Variants in NDRG4 observed in about 807,000 individuals in gnomAD.
NDRG4 encodes protein NDRG4.
Under a neutral mutation model 55.8 loss-of-function variants are expected in NDRG4, and 38 were observed. The ratio of observed to expected loss-of-function variants is 0.68; its 90% CI spans 0.53 to 0.89. The LOEUF (loss-of-function observed/expected upper bound fraction) is 0.89. NDRG4 is among the 40% of genes least tolerant of loss of function. NDRG4 has a pLI of 0.00. For missense variants in NDRG4, 455 were observed against 468.6 expected (o/e 0.97, Z 0.27); for synonymous variants, 190 against 182.7 (o/e 1.04, Z -0.32).
At chr16:58,502,447 G>A (rs2037294669) in intron 1 of NDRG4, among the ~76,000 whole-genome samples, 1 of 152,218 alleles carries the variant, frequency 6.6e-6, no homozygotes, top group Non-Finnish European at 1.5e-5. Flanking sequence ...AAGTCAAAGA[G>A]TGTTCTCCAG....
chr16:58,492,787 G>A (rs1241942383), intron 2 of NDRG4, among the ~76,000 whole-genome samples: 1 of 152,094 alleles, frequency 6.6e-6, no homozygotes, highest in Non-Finnish European at 1.5e-5. Flanking sequence ...AAGGTCCCGA[G>A]TATAGACATC....
At position 58,507,882 on chromosome 16, in the gene NDRG4, CTCTGGCCT is replaced by C. The variant is rs770090334; in HGVS notation, c.677+19_677+26del. 1 of 1,614,046 alleles carries C rather than the reference CTCTGGCCT, an allele frequency of 6.2e-7. No homozygotes were observed. Among genetic ancestry groups the C allele is most frequent in the Non-Finnish European group, 8.5e-7 (1 of 1,179,974 alleles). On this transcript the variant is annotated intron_variant, in intron 9 of 14. Coordinates refer to ENST00000570248, the MANE Select transcript of NDRG4 (RefSeq NM_001242835.2). ...ACGCTCCGGTGAGTGGCCCCTGGCCCTCTGGCCTGCCCTGGCCTTTGCCCCCATGACCC... is the reference window on the plus strand; with the variant it reads ...ACGCTCCGGTGAGTGGCCCCTGGCCCGCCCTGGCCTTTGCCCCCATGACCC...
At position 58,464,536 on chromosome 16, in the gene NDRG4, G is replaced by A; in HGVS notation, c.-24+739G>A. On this transcript the variant is annotated intron_variant, in intron 1 of 15. Coordinates refer to the NDRG4 transcript ENST00000258187. The surrounding 1 kb of genome is among the most constrained non-coding windows in gnomAD (Gnocchi z 4.8). ...GGAGCGGACTCCGGGCGCGGCGGCCGGGGACTGGGGCGGCTCGGGTCTGAG... is the reference window on the plus strand; with the variant it reads ...GGAGCGGACTCCGGGCGCGGCGGCCAGGGACTGGGGCGGCTCGGGTCTGAG... The A allele has an allele frequency of 2.4e-6, 3 of 1,257,012 alleles. No individual in the cohort carries two copies. Among genetic ancestry groups the A allele is most frequent in the South Asian group, 2.5e-5 (1 of 40,550 alleles). 77.9% of individuals were successfully genotyped at this position (1,257,012 alleles called of 1,614,324 possible). A position where few individuals can be genotyped will look rare whatever the true frequency, so the allele number is the denominator to read the frequency against.
At chr16:58,471,186 C>CTTTTTTTTT (rs528375397) in intron 1 of NDRG4, among the ~76,000 whole-genome samples, 1 of 67,068 alleles carries the variant, frequency 1.5e-5, no homozygotes, top group African/African-American at 5.7e-5. Context: ...ATGTGTGTTG[C>CTTTTTTTTT]TTTTTTTTTT....
At chr16:58,509,935 C>A (rs1179528479) in intron 13 of NDRG4, among the ~76,000 whole-genome samples, 2 of 147,684 alleles carry the variant, frequency 1.4e-5, no homozygotes, top group East Asian at 2.0e-4. Flanking sequence ...GGTACACACA[C>A]ACAGACACAC....
At chr16:58,504,078 T>G (rs950618490) in intron 2 of NDRG4, 76 bp from the exon 3 acceptor site, 3 of 1,602,168 alleles carry the variant, frequency 1.9e-6, no homozygotes, top group Non-Finnish European at 2.6e-6. Context: ...CTGCCTTGCC[T>G]GCCCTCTGGG....
chr16:58,492,368 A>G lies in NDRG4; in HGVS notation c.73-2596A>G, dbSNP rs572747544. Among the ~76,000 whole-genome samples, 263 of 152,094 alleles carry G rather than the reference A, an allele frequency of 1.7e-3. 1 individual carries two copies. Among genetic ancestry groups the G allele is most frequent in the African/African-American group, 6.2e-3 (259 of 41,488 alleles). On this transcript the variant is annotated intron_variant, in intron 2 of 15. Transcript: ENST00000258187. ...CCCACGGGACTTCAGGGGCCTCTGC[A>G]TGGGCTTCTATTCTTCCTGCATTTT...
intron 1 of NDRG4, among the ~76,000 whole-genome samples, chr16:58,467,992 C>CTGTG (rs1349728021): frequency 1.3e-5 from 2 of 152,180 alleles, no homozygotes; most frequent in African/African-American, 4.8e-5. Context: ...CAGTCCAGGC[C>CTGTG]TCTCTGAGCT....
intron 2 of NDRG4, among the ~76,000 whole-genome samples, chr16:58,489,661 C>T (rs2035539688): frequency 6.6e-6 from 1 of 151,950 alleles, no homozygotes; most frequent in African/African-American, 2.4e-5. Context: ...CTGTTTTGCA[C>T]CCCCAGGTCT....
At chr16:58,484,840 C>G (rs2034888374) in intron 1 of NDRG4, among the ~76,000 whole-genome samples, 1 of 150,422 alleles carries the variant, frequency 6.6e-6, no homozygotes, top group African/African-American at 2.5e-5. Context: ...CTCTCATTTT[C>G]TTATAACTTA....
At chr16:58,484,073 T>G (rs2034787476) in intron 1 of NDRG4, among the ~76,000 whole-genome samples, 1 of 151,308 alleles carries the variant, frequency 6.6e-6, no homozygotes, top group Non-Finnish European at 1.5e-5. Flanking sequence ...AGCCAGGGTT[T>G]GTTTTGACCA....
rs373870982 is a variant in NDRG4 at position 58,512,676 on chromosome 16, G to T, written c.*1100G>T. 11 of 154,882 alleles carry T rather than the reference G, an allele frequency of 7.1e-5. 1 individual carries two copies. The South Asian group carries it at 2.0e-3, about 28-fold the overall frequency. The allele number at this position is 154,882 out of a possible 1,614,324, so 9.6% of individuals were successfully genotyped here. On this transcript the variant is annotated 3_prime_UTR_variant, in exon 15 of 15. Coordinates refer to ENST00000570248, the MANE Select transcript of NDRG4 (RefSeq NM_001242835.2). Reference sequence around the variant, plus strand: ...ACTGGGGGCTGAAGGTTCTGGACATGAACAAGGGTCAGGTAGAAGAGAAAG... The same window carrying T: ...ACTGGGGGCTGAAGGTTCTGGACATTAACAAGGGTCAGGTAGAAGAGAAAG...
chr16:58,500,284 T>A lies in NDRG4; in HGVS notation c.21+15T>A. ...GCTGGGATGGGGTGAGTGAGGGCGC[T>A]GCGGGCATCAAGGTGGGCCGGGAGG... On this transcript the variant is annotated intron_variant, in intron 1 of 14. Coordinates refer to ENST00000570248, the MANE Select transcript of NDRG4 (RefSeq NM_001242835.2). The A allele has an allele frequency of 6.5e-7, 1 of 1,535,592 alleles. No homozygotes were observed. The highest frequency in any genetic ancestry group is 1.2e-5 in the South Asian group (1 of 84,016).
At chr16:58,507,636 A>C in intron 8 of NDRG4, 172 bp from the exon 9 acceptor site, 1 of 620,468 alleles carries the variant, frequency 1.6e-6, no homozygotes, top group Non-Finnish European at 2.8e-6. Flanking sequence ...TTGAGAGCCC[A>C]CCTGGTATGT....
At chr16:58,495,149 TG>T, upstream of NDRG4, 1 of 796,178 alleles carries the variant, frequency 1.3e-6, no homozygotes, top group Non-Finnish European at 2.1e-6. Flanking sequence ...GGAGATGAAC[TG>T]GCCCTGCTTC....
Position 58,464,627 on chromosome 16 carries a change from C to A in NDRG4, c.-24+830C>A, listed in dbSNP as rs2031213300. 2 of 926,182 alleles carry A rather than the reference C, an allele frequency of 2.2e-6. No individual in the cohort carries two copies. Among genetic ancestry groups the A allele is most frequent in the Non-Finnish European group, 1.4e-6 (1 of 695,804 alleles). 57.4% of individuals were successfully genotyped at this position (926,182 alleles called of 1,614,324 possible). A position where few individuals can be genotyped will look rare whatever the true frequency, so the allele number is the denominator to read the frequency against. On this transcript the variant is annotated intron_variant, in intron 1 of 15. Transcript: ENST00000258187. This position sits in a 1 kb window ranked among gnomAD's most constrained non-coding sequence, Gnocchi z 4.8. ...CTACCTGTTTGTGTGCGGAGCCCAG[C>A]CCCGGGAGAGGACTTGAGGTTGTGG... is the stretch of plus-strand genomic sequence containing the variant.
chr16:58,495,136 G>A (rs1182768257), intron 3 of NDRG4: 12 of 913,692 alleles, frequency 1.3e-5, no homozygotes, highest in Non-Finnish European at 1.7e-5. Context: ...AGATGCTGGG[G>A]TGGGAGATGA....
chr16:58,506,509 T>C (rs1253193905), intron 6 of NDRG4, 36 bp downstream of exon 6: 9 of 1,597,138 alleles, frequency 5.6e-6, no homozygotes, highest in Non-Finnish European at 7.7e-6. Flanking sequence ...TGGGTATACC[T>C]AGGGTGGGGT....
rs2038997225 is a variant in NDRG4, at chr16:58,513,352, A to G, written c.*1776A>G. ...GTCATGAGATGATAAAATGTAAAAC[A>G]AAACTCTAGTCAACGTAGAAAGAGT... On this transcript the variant is annotated 3_prime_UTR_variant, in exon 15 of 15. Coordinates refer to ENST00000570248, the MANE Select transcript of NDRG4 (RefSeq NM_001242835.2). 1 of 152,240 alleles carries G rather than the reference A, an allele frequency of 6.6e-6. No individual in the cohort carries two copies. The highest frequency in any genetic ancestry group is 6.5e-5 in the Admixed American group (1 of 15,288). 9.4% of individuals were successfully genotyped at this position (152,240 alleles called of 1,614,324 possible).
Sources: gnomAD v4.1 joint callset for allele counts (sites outside exome capture counted in the v4.1 genomes callset) on GRCh38, gnomAD v4.1.1 for gene constraint, Gnocchi (gnomAD v3.1) non-coding constraint, MANE v1.5 for transcripts, NCBI Gene and HGNC (gene_info 2026-07-23, HGNC 2026-07-21) for gene names.